The following COL23A1 variants were observed in gnomAD, a reference collection of about 807,000 sequenced individuals.
The protein encoded by COL23A1 is collagen alpha-1(XXIII) chain.
COL23A1 carries 97 observed loss-of-function variants against 99.3 expected under a neutral mutation model. The ratio of observed to expected loss-of-function variants is 0.98; its 90% CI spans 0.83 to 1.16. COL23A1 has a LOEUF of 1.16. Ranked by LOEUF, COL23A1 falls within the 50% of genes most tolerant of loss-of-function variation. COL23A1 has a pLI of 0.00. For synonymous variants in COL23A1, 320 were observed against 308.2 expected (o/e 1.04, Z -0.40); for missense variants, 762 against 757.4 (o/e 1.01, Z -0.07).
chr5:178,438,202 T>C (rs1465451070), intron 2 of COL23A1, among the ~76,000 whole-genome samples: 2 of 152,186 alleles, frequency 1.3e-5, no homozygotes, highest in African/African-American at 2.4e-5. Flanking sequence ...CCAGGGCACT[T>C]GGTAACACAG....
chr5:178,306,600 G>C lies in COL23A1; in HGVS notation c.406+275C>G, dbSNP rs888955045. On this transcript the variant is annotated intron_variant, in intron 3 of 28. Transcript: ENST00000390654. This position sits in a 1 kb window ranked among gnomAD's most constrained non-coding sequence, Gnocchi z 4.1. ...GCCTCAGAGAGAGGGGGCTGCTCTG[G>C]AGTGGGGGACTAGGGGCCAACAACG... Among the ~76,000 whole-genome samples, 1 of 149,696 alleles carries C rather than the reference G, an allele frequency of 6.7e-6. No homozygotes were observed. Among genetic ancestry groups the C allele is most frequent in the African/African-American group, 2.5e-5 (1 of 40,670 alleles).
chr5:178,334,913 A>C (rs1308285097), intron 2 of COL23A1, among the ~76,000 whole-genome samples: 1 of 152,224 alleles, frequency 6.6e-6, no homozygotes, highest in Non-Finnish European at 1.5e-5. Context: ...AGATCCAGGC[A>C]GCTGACCACA....
chr5:178,431,186 C>T (rs1217812367), intron 2 of COL23A1, among the ~76,000 whole-genome samples: 1 of 152,134 alleles, frequency 6.6e-6, no homozygotes, highest in Non-Finnish European at 1.5e-5. Flanking sequence ...CCCAGGAAGG[C>T]CAGTGGGCCC....
chr5:178,263,948 G>T (rs982945205), intron 8 of COL23A1, among the ~76,000 whole-genome samples: 8 of 152,180 alleles, frequency 5.3e-5, no homozygotes, highest in Non-Finnish European at 7.3e-5. Context: ...AGTGGAAAAA[G>T]TCCATCTCCA....
intron 12 of COL23A1, among the ~76,000 whole-genome samples, chr5:178,258,913 C>CTT (rs35156759): frequency 1.5e-3 from 179 of 117,576 alleles, no homozygotes; most frequent in Middle Eastern, 4.9e-3. Context: ...CCAGGGTGGT[C>CTT]TTTTTTTTTT....
intron 2 of COL23A1, among the ~76,000 whole-genome samples, chr5:178,476,171 T>A (rs1427317743): frequency 8.5e-5 from 13 of 152,196 alleles, no homozygotes; most frequent in Non-Finnish European, 4.4e-5. Context: ...CATGTCAACC[T>A]TGATGCTACT....
chr5:178,259,660 G>T, intron 12 of COL23A1, 61 bp downstream of exon 12: 3 of 1,473,216 alleles, frequency 2.0e-6, no homozygotes, highest in Non-Finnish European at 2.8e-6. Flanking sequence ...CCCAGCCCCT[G>T]CCCTTCTCTC....
intron 2 of COL23A1, among the ~76,000 whole-genome samples, chr5:178,458,456 G>A (rs1400648922): frequency 6.6e-6 from 1 of 152,122 alleles, no homozygotes; most frequent in African/African-American, 2.4e-5. Flanking sequence ...GGCCAACATA[G>A]TGAAACTCCG....
rs78194337 is a variant in COL23A1, at chr5:178,450,131, C to G, written c.361+110551G>C. Among the ~76,000 whole-genome samples, 473 of 152,264 alleles carry G rather than the reference C, an allele frequency of 3.1e-3. 6 individuals are homozygous for G. Among genetic ancestry groups the G allele is most frequent in the African/African-American group, 0.011 (437 of 41,556 alleles). ...CTCACGGCCCTATGGTGAAATAAAA[C>G]ATAATGCCAGACCCTGAGCCCTCCC... On this transcript the variant is annotated intron_variant, in intron 2 of 28. Coordinates refer to ENST00000390654, the MANE Select transcript of COL23A1 (RefSeq NM_173465.4).
chr5:178,257,057 A>G (rs938607988), intron 13 of COL23A1, 129 bp from the exon 14 acceptor site: 3 of 793,926 alleles, frequency 3.8e-6, no homozygotes, highest in Admixed American at 4.8e-5. Context: ...TACTGAGTCC[A>G]TGGGGGGTGT....
Position 178,257,645 on chromosome 5 carries a change from G to T in COL23A1, c.730-78C>A, listed in dbSNP as rs1021852316. The stretch of plus-strand genomic sequence containing the variant: ...GCCCCTCCCTCCTCTGGACTTCCCA[G>T]CACACCAGTCTGCTCCTGGCATCTG... On this transcript the variant is annotated intron_variant, in intron 12 of 28. Coordinates refer to ENST00000390654, the MANE Select transcript of COL23A1 (RefSeq NM_173465.4). The T allele has an allele frequency of 1.2e-5, 17 of 1,412,038 alleles. 1 individual carries two copies. In the South Asian group the frequency reaches 2.1e-4, roughly 17 times the overall value. 87.5% of individuals were successfully genotyped at this position (1,412,038 alleles called of 1,614,324 possible).
intron 2 of COL23A1, among the ~76,000 whole-genome samples, chr5:178,492,314 T>C (rs749612640): frequency 3.1e-4 from 47 of 152,094 alleles, no homozygotes; most frequent in Non-Finnish European, 6.2e-4. Flanking sequence ...GGAGGGAGTA[T>C]GGGCAGCGCC....
intron 1 of COL23A1, among the ~76,000 whole-genome samples, chr5:178,564,383 C>T (rs981828195): frequency 6.6e-6 from 1 of 152,040 alleles, no homozygotes; most frequent in Non-Finnish European, 1.5e-5. Flanking sequence ...AATTAGAAAC[C>T]CAATCTCACA....
intron 2 of COL23A1, among the ~76,000 whole-genome samples, chr5:178,484,571 C>A (rs993911183): frequency 3.4e-4 from 52 of 152,160 alleles, no homozygotes; most frequent in African/African-American, 1.2e-3. Context: ...CGCCTGTAAT[C>A]CCAGCACTTT....
intron 2 of COL23A1, among the ~76,000 whole-genome samples, chr5:178,556,666 T>TAAAAA (rs1297141742): frequency 1.8e-4 from 26 of 145,082 alleles, no homozygotes; most frequent in Non-Finnish European, 3.6e-4. Flanking sequence ...TAAAATAAAA[T>TAAAAA]AAAAAAGCTG....
intron 2 of COL23A1, among the ~76,000 whole-genome samples, chr5:178,360,259 C>A (rs1465959037): frequency 1.3e-5 from 2 of 152,084 alleles, no homozygotes; most frequent in African/African-American, 2.4e-5. Context: ...TTGCGAAAAC[C>A]TAGTCACTGA....
At chr5:178,352,851 T>C (rs1761405497) in intron 2 of COL23A1, among the ~76,000 whole-genome samples, 1 of 152,130 alleles carries the variant, frequency 6.6e-6, no homozygotes, top group Non-Finnish European at 1.5e-5. Flanking sequence ...CGTCTGTTTG[T>C]CCATCCTCCT....
Position 178,253,103 on chromosome 5 carries a change from G to C in COL23A1, c.961-506C>G, listed in dbSNP as rs983901946. Among the ~76,000 whole-genome samples the C allele has an allele frequency of 3.3e-5, 5 of 151,796 alleles. No individual in the cohort carries two copies. In the East Asian group the frequency reaches 9.7e-4, roughly 29 times the overall value. ...CTCGCAGGTAGGGGTGGGGTCTCCA[G>C]TGTTTCCAGGTCCGACCCCACTCTC... On this transcript the variant is annotated intron_variant, in intron 16 of 28. Transcript: ENST00000390654.
rs764869808 is a variant in COL23A1, at chr5:178,250,088, G to C, written c.1032C>G (p.Pro344=). The change falls in exon 18 of 29, where the codon CCC becomes CCG. Residue 344 remains proline (P), a synonymous_variant. Transcript: ENST00000390654. ...TCTCTCCATCGATTCCTGGGGCACC[G>C]GGCAATCCAAGCTCGCCCTGGAAGG... ...IPGAKGELGL[P]GAPGIDGEKG... 1 of 1,614,148 alleles carries C rather than the reference G, an allele frequency of 6.2e-7. No homozygotes were observed. The highest frequency in any genetic ancestry group is 1.1e-5 in the South Asian group (1 of 91,080).
Sources: allele counts gnomAD v4.1 joint callset (sites outside exome capture counted in the v4.1 genomes callset), GRCh38; gene constraint gnomAD v4.1.1; non-coding constraint Gnocchi (gnomAD v3.1); transcripts MANE v1.5; gene names NCBI Gene and HGNC (gene_info 2026-07-23, HGNC 2026-07-21).